Variants in KIF16B observed in about 807,000 individuals in gnomAD.
KIF16B encodes kinesin family member 16B.
Under a neutral mutation model 156.3 loss-of-function variants are expected in KIF16B, and 98 were observed. The observed-to-expected ratio is 0.63, with a 90% CI of 0.53 to 0.74. The LOEUF (loss-of-function observed/expected upper bound fraction) is 0.74. Ranked by LOEUF, KIF16B falls within the 30% of genes least tolerant of loss-of-function variation. The pLI, the probability that KIF16B is intolerant of heterozygous loss-of-function variation, is 0.00. For synonymous variants in KIF16B, 564 were observed against 583.7 expected (o/e 0.97, Z 0.49); for missense variants, 1,421 against 1,606.5 (o/e 0.88, Z 1.97).
chr20:16,410,135 ATATATATGTAGG>A (rs1351387315), intron 15 of KIF16B, among the ~76,000 whole-genome samples: 3 of 141,152 alleles, frequency 2.1e-5, no homozygotes, highest in Admixed American at 7.1e-5. Flanking sequence ...GTAGGTACAT[ATATATATGTAGG>A]TACATATACA....
At chr20:16,286,957 T>A (rs2063231923) in intron 25 of KIF16B, among the ~76,000 whole-genome samples, 1 of 152,232 alleles carries the variant, frequency 6.6e-6, no homozygotes, top group Non-Finnish European at 1.5e-5. Flanking sequence ...AGTGGAGTCA[T>A]GATCAAAATG....
intron 15 of KIF16B, among the ~76,000 whole-genome samples, chr20:16,416,285 C>T (rs979591595): frequency 6.6e-6 from 1 of 152,116 alleles, no homozygotes; most frequent in African/African-American, 2.4e-5. Context: ...AATCTTTGCC[C>T]ATGCCTATGT....
At chr20:16,299,062 T>C (rs1040987331) in intron 25 of KIF16B, among the ~76,000 whole-genome samples, 1 of 152,234 alleles carries the variant, frequency 6.6e-6, no homozygotes, top group African/African-American at 2.4e-5. Flanking sequence ...TATTTGTTTA[T>C]GTTGAGAGAT....
intron 24 of KIF16B, among the ~76,000 whole-genome samples, chr20:16,326,933 C>A (rs556795631): frequency 2.7e-5 from 4 of 150,932 alleles, no homozygotes; most frequent in African/African-American, 9.7e-5. Context: ...GCCCAAATGC[C>A]CATCAACCAA....
At chr20:16,343,547 T>A (rs1196299810) in intron 23 of KIF16B, among the ~76,000 whole-genome samples, 1 of 152,240 alleles carries the variant, frequency 6.6e-6, no homozygotes, top group Non-Finnish European at 1.5e-5. Flanking sequence ...AGTAACTGTT[T>A]AGAAGAAATA....
intron 24 of KIF16B, 89 bp from the exon 25 acceptor site, chr20:16,312,507 T>C (rs900132540): frequency 9.9e-7 from 1 of 1,012,150 alleles, no homozygotes; most frequent in East Asian, 2.6e-5. Context: ...ATCTCTTCCA[T>C]GGGGTGAAAA....
chr20:16,356,951 T>C (rs1396151103), intron 22 of KIF16B, among the ~76,000 whole-genome samples: 1 of 152,228 alleles, frequency 6.6e-6, no homozygotes, highest in Non-Finnish European at 1.5e-5. Flanking sequence ...TGGAAAGCTC[T>C]TTAAACCACA....
At chr20:16,367,283 C>T (rs1218315188) in intron 22 of KIF16B, 3 of 1,612,800 alleles carry the variant, frequency 1.9e-6, no homozygotes, top group Non-Finnish European at 2.5e-6. Flanking sequence ...TTTGGGGCTT[C>T]CTGAAGGTGC....
At chr20:16,459,421 G>A (rs929922421) in intron 12 of KIF16B, among the ~76,000 whole-genome samples, 1 of 152,122 alleles carries the variant, frequency 6.6e-6, no homozygotes, top group Non-Finnish European at 1.5e-5. Context: ...TTTCTCAAAT[G>A]TAATTATATT....
chr20:16,416,302 T>C (rs773963176), intron 15 of KIF16B, among the ~76,000 whole-genome samples: 1 of 152,200 alleles, frequency 6.6e-6, no homozygotes, highest in Non-Finnish European at 1.5e-5. Flanking sequence ...ATGTCCTGAA[T>C]GGTATTGCCT....
At position 16,508,792 on chromosome 20, in the gene KIF16B, A is replaced by G. The variant is rs2068867168; in HGVS notation, c.557-692T>C. Among the ~76,000 whole-genome samples, 7 of 152,336 alleles carry G rather than the reference A, an allele frequency of 4.6e-5. No individual in the cohort carries two copies. The South Asian group carries it at 1.4e-3, about 32-fold the overall frequency. Reference sequence around the variant, plus strand: ...TATTATCATCAACCTCATTCACATTAGTCATAGCACATACAAGAAAAATGC... The same window carrying G: ...TATTATCATCAACCTCATTCACATTGGTCATAGCACATACAAGAAAAATGC... On this transcript the variant is annotated intron_variant, in intron 6 of 25. Transcript: ENST00000354981.
rs777983624 is a variant in KIF16B, at chr20:16,533,946, TA to T, written c.48-5507del. Among the ~76,000 whole-genome samples the T allele has an allele frequency of 3.2e-4, 49 of 151,262 alleles. 1 individual carries two copies. The South Asian group carries it at 7.9e-3, about 25-fold the overall frequency. The stretch of plus-strand genomic sequence containing the variant: ...TTTAAGCATACAAACTGAAACAGTT[TA>T]AAAAAAAATAAAAAATAAAAAATAA... On this transcript the variant is annotated intron_variant, in intron 1 of 25. Coordinates refer to ENST00000354981, the MANE Select transcript of KIF16B (RefSeq NM_024704.5).
chr20:16,437,235 T>C (rs2146497463), intron 12 of KIF16B, among the ~76,000 whole-genome samples: 1 of 152,338 alleles, frequency 6.6e-6, no homozygotes, highest in African/African-American at 2.4e-5. Context: ...TCAATTTTTT[T>C]CTAATATTTT....
chr20:16,436,493 C>A (rs2066644331), intron 12 of KIF16B, among the ~76,000 whole-genome samples: 1 of 152,174 alleles, frequency 6.6e-6, no homozygotes, highest in Admixed American at 6.5e-5. Context: ...TCACTTCATT[C>A]CAGTTACCAC....
intron 12 of KIF16B, among the ~76,000 whole-genome samples, chr20:16,450,922 C>T (rs2067063063): frequency 6.6e-6 from 1 of 152,196 alleles, no homozygotes; most frequent in Admixed American, 6.5e-5. Context: ...TACTATTTTT[C>T]ACCCAAGACT....
chr20:16,571,288 C>T lies in KIF16B; in HGVS notation c.47+1941G>A, dbSNP rs191994032. Among the ~76,000 whole-genome samples the T allele has an allele frequency of 1.4e-3, 216 of 152,326 alleles. 1 individual carries two copies. Among genetic ancestry groups the T allele is most frequent in the African/African-American group, 5.0e-3 (209 of 41,572 alleles). On this transcript the variant is annotated intron_variant, in intron 1 of 25. Coordinates refer to ENST00000354981, the MANE Select transcript of KIF16B (RefSeq NM_024704.5). Reference sequence around the variant, plus strand: ...GGTCTTCCTGTAACTATCCTGCCTTCCAATTTCATCTCTGGCTCAAACTGC... The same window carrying T: ...GGTCTTCCTGTAACTATCCTGCCTTTCAATTTCATCTCTGGCTCAAACTGC...
chr20:16,453,733 A>G (rs2067144372), intron 12 of KIF16B, among the ~76,000 whole-genome samples: 1 of 152,222 alleles, frequency 6.6e-6, no homozygotes. Flanking sequence ...TTAACATTCC[A>G]GAAGAGGAAT....
rs2063631977 is a variant in KIF16B at position 16,312,349 on chromosome 20, G to A, written c.3781C>T (p.Arg1261Ter). The A allele has an allele frequency of 2.5e-6, 4 of 1,612,604 alleles. No homozygotes were observed. Among genetic ancestry groups the A allele is most frequent in the African/African-American group, 1.3e-5 (1 of 74,906 alleles). The change falls in exon 25 of 26, where the codon CGA becomes TGA. Residue 1261 changes from arginine (R) to a stop codon, truncating the protein, a stop_gained. Transcript: ENST00000354981. LOFTEE classifies it high-confidence loss of function. ...NKDERVIAER[R>*]SHLEKYLRDF... is the part of the protein sequence containing the mutation. ...AATTCTGTTACCTCTAAGTGACTTC[G>A]TCTCTCAGCAATCACACGTTCATCC...
intron 25 of KIF16B, among the ~76,000 whole-genome samples, chr20:16,300,988 C>A (rs1387359083): frequency 6.6e-6 from 1 of 152,128 alleles, no homozygotes; most frequent in East Asian, 1.9e-4. Context: ...TCTGCCTATT[C>A]ATCTCTCCCC....
Sources: gnomAD v4.1 joint callset for allele counts (sites outside exome capture counted in the v4.1 genomes callset) on GRCh38, gnomAD v4.1.1 for gene constraint, MANE v1.5 for transcripts, NCBI Gene and HGNC (gene_info 2026-07-23, HGNC 2026-07-21) for gene names.